Variants in CHRNA7 observed in about 807,000 individuals in gnomAD.
CHRNA7 encodes cholinergic receptor nicotinic alpha 7 subunit.
A neutral mutation model predicts 48.0 loss-of-function variants in CHRNA7; 17 were observed. That is an observed-to-expected ratio of 0.35 (90% CI 0.24 to 0.53). CHRNA7 has a LOEUF of 0.53. CHRNA7 is among the 20% of genes least tolerant of loss of function. CHRNA7 has a pLI of 0.92. For synonymous variants in CHRNA7, 75 were observed against 242.3 expected (o/e 0.31, Z 6.41); for missense variants, 155 against 577.7 (o/e 0.27, Z 7.50).
At position 32,079,272 on chromosome 15, in the gene CHRNA7, A is replaced by G. The variant is rs543427983; in HGVS notation, c.196-22031A>G. ...AAGAATGCCCTCTCCCACCACTCCC[A>G]TTCAACATAGTATTGGAAATTCTGG... On this transcript the variant is annotated intron_variant, in intron 2 of 9. Coordinates refer to ENST00000306901, the MANE Select transcript of CHRNA7 (RefSeq NM_000746.6). Among the ~76,000 whole-genome samples, 3 of 152,296 alleles carry G rather than the reference A, an allele frequency of 2.0e-5. No homozygotes were observed. The South Asian group carries it at 6.2e-4, about 32-fold the overall frequency.
At chr15:32,080,178 A>C (rs918496214) in intron 2 of CHRNA7, among the ~76,000 whole-genome samples, 1 of 152,156 alleles carries the variant, frequency 6.6e-6, no homozygotes, top group African/African-American at 2.4e-5. Flanking sequence ...TTAAATGTAA[A>C]ACCCTAAAAT....
chr15:32,118,053 C>G (rs1159164572), intron 4 of CHRNA7, among the ~76,000 whole-genome samples: 2 of 152,174 alleles, frequency 1.3e-5, no homozygotes, highest in Non-Finnish European at 2.9e-5. Context: ...CATGAGGGCT[C>G]TGCCCTCATG....
At chr15:32,033,210 T>C (rs1738280362) in intron 2 of CHRNA7, among the ~76,000 whole-genome samples, 1 of 152,222 alleles carries the variant, frequency 6.6e-6, no homozygotes, top group Admixed American at 6.5e-5. Context: ...CAAACTCACT[T>C]ACCTTTCTAA....
chr15:32,101,787 T>C (rs1052147580), intron 3 of CHRNA7: 7 of 157,926 alleles, frequency 4.4e-5, no homozygotes, highest in South Asian at 2.1e-4. Flanking sequence ...GCAATGCTTA[T>C]AAGAATCTTG....
chr15:32,073,992 C>G lies in CHRNA7; in HGVS notation c.196-27311C>G, dbSNP rs907324622. Among the ~76,000 whole-genome samples, 3 of 151,868 alleles carry G rather than the reference C, an allele frequency of 2.0e-5. No individual in the cohort carries two copies. In the South Asian group the frequency reaches 6.2e-4, roughly 32 times the overall value. On this transcript the variant is annotated intron_variant, in intron 2 of 9. Coordinates refer to ENST00000306901, the MANE Select transcript of CHRNA7 (RefSeq NM_000746.6). Reference sequence around the variant, plus strand: ...TTCATTGTTTTCCTTCTTCCTGTTCCCATTTTCTCCCTTCCTTCATTGTCC... The same window carrying G: ...TTCATTGTTTTCCTTCTTCCTGTTCGCATTTTCTCCCTTCCTTCATTGTCC...
intron 2 of CHRNA7, among the ~76,000 whole-genome samples, chr15:32,047,179 TTAAAG>T (rs2141180447): frequency 7.3e-6 from 1 of 136,288 alleles, no homozygotes; most frequent in Non-Finnish European, 1.6e-5. Flanking sequence ...CATATGAACT[TTAAAG>T]TAGTTTTTTC....
intron 4 of CHRNA7, among the ~76,000 whole-genome samples, chr15:32,113,361 G>A (rs1379548333): frequency 6.6e-6 from 1 of 152,048 alleles, no homozygotes; most frequent in African/African-American, 2.4e-5. Flanking sequence ...CTTTTTAAAG[G>A]TTCTGTCTTC....
chr15:32,048,903 A>G (rs1039707332), intron 2 of CHRNA7, among the ~76,000 whole-genome samples: 3 of 151,340 alleles, frequency 2.0e-5, no homozygotes, highest in African/African-American at 7.3e-5. Context: ...GAACATCTTT[A>G]TTTCTGCCTT....
intron 4 of CHRNA7, chr15:32,153,302 G>C (rs2051671354): frequency 6.6e-6 from 1 of 150,754 alleles, no homozygotes; most frequent in African/African-American, 2.4e-5. Context: ...TGCACCTGTA[G>C]TCCCAGCTAC....
At chr15:32,073,188 C>T (rs943568262) in intron 2 of CHRNA7, among the ~76,000 whole-genome samples, 8 of 152,208 alleles carry the variant, frequency 5.3e-5, no homozygotes, top group African/African-American at 1.9e-4. Flanking sequence ...CCTCTCACAA[C>T]AGTGTACCCA....
At chr15:32,047,838 A>G (rs1281570085) in intron 2 of CHRNA7, among the ~76,000 whole-genome samples, 2 of 152,202 alleles carry the variant, frequency 1.3e-5, no homozygotes, top group Non-Finnish European at 2.9e-5. Flanking sequence ...ATTTTGAGAT[A>G]CATCCCATCA....
intron 4 of CHRNA7, among the ~76,000 whole-genome samples, chr15:32,128,581 C>A (rs2051107046): frequency 6.6e-6 from 1 of 151,410 alleles, no homozygotes; most frequent in African/African-American, 2.4e-5. Context: ...GTTAGTATAG[C>A]AATTATTTTA....
chr15:32,137,316 G>T (rs963578106), intron 4 of CHRNA7, among the ~76,000 whole-genome samples: 1 of 113,256 alleles, frequency 8.8e-6, no homozygotes, highest in Non-Finnish European at 1.8e-5. Context: ...AATAAAATGT[G>T]AGTGGCTATG....
intron 2 of CHRNA7, among the ~76,000 whole-genome samples, chr15:32,050,850 G>A (rs1321294592): frequency 1.3e-5 from 2 of 152,172 alleles, no homozygotes; most frequent in East Asian, 3.9e-4. Context: ...CTGTTTGTTA[G>A]TTTTCCTTCT....
intron 4 of CHRNA7, among the ~76,000 whole-genome samples, chr15:32,118,094 T>A (rs948533651): frequency 5.7e-4 from 87 of 152,064 alleles, no homozygotes; most frequent in African/African-American, 2.0e-3. Flanking sequence ...GATTAATGGA[T>A]CAATAGGATA....
Position 32,030,612 on chromosome 15 carries a change from A to G in CHRNA7, c.18A>G (p.Gly6=). 1 of 1,561,994 alleles carries G rather than the reference A, an allele frequency of 6.4e-7. No individual in the cohort carries two copies. Among genetic ancestry groups the G allele is most frequent in the Non-Finnish European group, 8.6e-7 (1 of 1,160,560 alleles). Reference sequence around the variant, plus strand: ...GACTCAACATGCGCTGCTCGCCGGGAGGCGTCTGGCTGGCGCTGGCCGCGT... The same window carrying G: ...GACTCAACATGCGCTGCTCGCCGGGGGGCGTCTGGCTGGCGCTGGCCGCGT... MRCSP[G]GVWLALAASL... Residue 6 remains glycine, a synonymous_variant, in exon 1 of 10, where the codon GGA becomes GGG. Coordinates refer to ENST00000306901, the MANE Select transcript of CHRNA7 (RefSeq NM_000746.6).
intron 3 of CHRNA7, among the ~76,000 whole-genome samples, chr15:32,104,621 C>T (rs776631898): frequency 2.6e-5 from 4 of 152,114 alleles, no homozygotes; most frequent in Non-Finnish European, 5.9e-5. Context: ...GTACCCACAG[C>T]CCCTAGTTCA....
At chr15:32,049,797 T>C (rs2141185373) in intron 2 of CHRNA7, among the ~76,000 whole-genome samples, 1 of 152,334 alleles carries the variant, frequency 6.6e-6, no homozygotes, top group Admixed American at 6.5e-5. Context: ...GTTGTGCCTT[T>C]CCATGTTTAG....
At position 32,044,253 on chromosome 15, in the gene CHRNA7, C is replaced by CCTTCCT. The variant is rs1555373127; in HGVS notation, c.195+13216_195+13217insCTTCCT. ...TGTTGCCAGATCGATCGATCTTTTCCTCCTTCCTTCCTTCCTTCCTTCCTT... is the reference window on the plus strand; with the variant it reads ...TGTTGCCAGATCGATCGATCTTTTCCCTTCCTTCCTTCCTTCCTTCCTTCCTTCCTT... On this transcript the variant is annotated intron_variant, in intron 2 of 9. Transcript: ENST00000306901. Among the ~76,000 whole-genome samples the CCTTCCT allele has an allele frequency of 2.8e-5, 4 of 140,918 alleles. 1 individual carries two copies. The highest frequency in any genetic ancestry group is 8.0e-5 in the African/African-American group (3 of 37,670). 92.4% of individuals were successfully genotyped at this position (140,918 alleles called of 152,430 possible).
Sources: allele counts gnomAD v4.1 joint callset (sites outside exome capture counted in the v4.1 genomes callset), GRCh38; gene constraint gnomAD v4.1.1; transcripts MANE v1.5; gene names NCBI Gene and HGNC (gene_info 2026-07-23, HGNC 2026-07-21).